Variants in NOVA1 observed in about 807,000 individuals in gnomAD.
NOVA1 encodes NOVA alternative splicing regulator 1.
In NOVA1, 7 loss-of-function variants were observed where a neutral mutation model predicts 38.0. The observed-to-expected ratio is 0.18, with a 90% CI of 0.10 to 0.35. The LOEUF (loss-of-function observed/expected upper bound fraction) is 0.35. Ranked by LOEUF, NOVA1 falls within the 10% of genes least tolerant of loss-of-function variation. The probability of loss-of-function intolerance (pLI) is 1.00; values close to 1 mark genes in which losing one functional copy is unlikely to be tolerated. For missense variants in NOVA1, 460 were observed against 616.0 expected (o/e 0.75, Z 2.68); for synonymous variants, 270 against 232.5 (o/e 1.16, Z -1.47).
chr14:26,568,766 A>G (rs1892290440), intron 2 of NOVA1, among the ~76,000 whole-genome samples: 1 of 152,180 alleles, frequency 6.6e-6, no homozygotes, highest in African/African-American at 2.4e-5. Context: ...CCAGGTGGGC[A>G]GCCTGATGAG....
At chr14:26,480,678 T>TA (rs1262174303) in intron 2 of NOVA1, among the ~76,000 whole-genome samples, 1 of 152,080 alleles carries the variant, frequency 6.6e-6, no homozygotes, top group Admixed American at 6.6e-5. Flanking sequence ...TTTTTTTTTT[T>TA]ACTTTTTCAC....
At chr14:26,595,344 CA>C (rs1566568600) in intron 2 of NOVA1, 65 bp downstream of exon 2, 1 of 1,503,100 alleles carries the variant, frequency 6.7e-7, no homozygotes. Flanking sequence ...AGACAGCACA[CA>C]ACACAAGTAG....
Position 26,549,512 on chromosome 14 carries a change from GTTAT to G in NOVA1, c.280+45894_280+45897del, listed in dbSNP as rs1676581467. 10 of 201,008 alleles carry G rather than the reference GTTAT, an allele frequency of 5.0e-5. No homozygotes were observed. In the South Asian group the frequency reaches 9.1e-4, roughly 18 times the overall value. The allele number at this position is 201,008 out of a possible 1,614,324, so 12.5% of individuals were successfully genotyped here. A position where few individuals can be genotyped will look rare whatever the true frequency, so the allele number is the denominator to read the frequency against. On this transcript the variant is annotated intron_variant, in intron 2 of 4. Coordinates refer to ENST00000539517, the MANE Select transcript of NOVA1 (RefSeq NM_002515.3). ...TAAAAAGGAGTGCATCCATCTATTT[GTTAT>G]TTAATTTTGTACCAATCAGAAGACC...
At chr14:26,545,860 A>G (rs970099022) in intron 2 of NOVA1, among the ~76,000 whole-genome samples, 1 of 152,164 alleles carries the variant, frequency 6.6e-6, no homozygotes, top group Non-Finnish European at 1.5e-5. Flanking sequence ...AGACATATAG[A>G]AATTTCAGAA....
In NOVA1 at chr14:26,532,973, A is replaced by G. The variant is rs1220248589; in HGVS notation, c.281-52830T>C. 2.0e-5 allele frequency among the ~76,000 whole-genome samples: 3 copies of G among 152,278 alleles called. No individual in the cohort carries two copies. The East Asian group carries it at 5.8e-4, about 29-fold the overall frequency. On this transcript the variant is annotated intron_variant, in intron 2 of 4. Transcript: ENST00000539517. ...CTATTTTTTCTCTCCTAGCTATTAG[A>G]TATATTGTCTATAATAGATAACTTT...
intron 4 of NOVA1, among the ~76,000 whole-genome samples, chr14:26,460,312 A>G: frequency 1.0e-5 from 1 of 97,268 alleles, no homozygotes; most frequent in Non-Finnish European, 2.3e-5. Context: ...TATAAACATT[A>G]ACATTTAAAA....
At chr14:26,458,096 C>A (rs1026611501) in intron 4 of NOVA1, among the ~76,000 whole-genome samples, 1 of 151,978 alleles carries the variant, frequency 6.6e-6, no homozygotes, top group African/African-American at 2.4e-5. Flanking sequence ...CATCACTAAT[C>A]GTTAGAGAAA....
intron 4 of NOVA1, 65 bp from the exon 5 acceptor site, chr14:26,449,028 G>A: frequency 7.2e-7 from 1 of 1,397,892 alleles, no homozygotes; most frequent in Non-Finnish European, 9.6e-7. Flanking sequence ...ATATTACTTT[G>A]CTATCCTAGA....
At position 26,447,741 on chromosome 14, in the gene NOVA1, A is replaced by G; in HGVS notation, c.*218T>C. 3 of 563,948 alleles carry G rather than the reference A, an allele frequency of 5.3e-6. No homozygotes were observed. The highest frequency in any genetic ancestry group is 9.4e-6 in the Non-Finnish European group (3 of 317,782). The allele number at this position is 563,948 out of a possible 1,614,324, so 34.9% of individuals were successfully genotyped here. On this transcript the variant is annotated 3_prime_UTR_variant, in exon 5 of 5. Transcript: ENST00000539517. ...ACACCTCTGACAAATATACACAAGC[A>G]AAGTATAGAGAACAAAACAGATCAA... is the stretch of plus-strand genomic sequence containing the variant.
intron 2 of NOVA1, among the ~76,000 whole-genome samples, chr14:26,586,966 T>TA (rs761325048): frequency 7.0e-6 from 1 of 142,304 alleles, no homozygotes. Flanking sequence ...AGAGAGGAGG[T>TA]AAGGACTTAC....
At chr14:26,536,426 G>A (rs1274629587) in intron 2 of NOVA1, among the ~76,000 whole-genome samples, 1 of 151,860 alleles carries the variant, frequency 6.6e-6, no homozygotes, top group Admixed American at 6.6e-5. Flanking sequence ...TGCTAATGAT[G>A]CGACTTTTTT....
chr14:26,515,900 G>T (rs992642232), intron 2 of NOVA1, among the ~76,000 whole-genome samples: 1 of 151,912 alleles, frequency 6.6e-6, no homozygotes, highest in Non-Finnish European at 1.5e-5. Flanking sequence ...ACATAAAAAA[G>T]TACAAAATCA....
chr14:26,491,816 G>C (rs1423696120), intron 2 of NOVA1, among the ~76,000 whole-genome samples: 1 of 152,090 alleles, frequency 6.6e-6, no homozygotes, highest in East Asian at 1.9e-4. Context: ...GACAGTACCA[G>C]ACTCTTTTGG....
At chr14:26,461,491 C>A (rs538878113) in intron 4 of NOVA1, among the ~76,000 whole-genome samples, 1 of 152,154 alleles carries the variant, frequency 6.6e-6, no homozygotes, top group South Asian at 2.1e-4. Flanking sequence ...GATCCGATTC[C>A]CGTCACTGGT....
intron 2 of NOVA1, among the ~76,000 whole-genome samples, chr14:26,534,880 G>A (rs1322936128): frequency 6.6e-6 from 1 of 152,142 alleles, no homozygotes. Flanking sequence ...AAAAGGGGCT[G>A]AGAGTCAAGG....
At chr14:26,581,778 C>A (rs1396792840) in intron 2 of NOVA1, among the ~76,000 whole-genome samples, 1 of 151,822 alleles carries the variant, frequency 6.6e-6, no homozygotes, top group Non-Finnish European at 1.5e-5. Flanking sequence ...TTTCTGAACT[C>A]AAATTTATAC....
chr14:26,597,507 C>CTTTT lies in NOVA1; in HGVS notation c.-75_-72dup, dbSNP rs563401938. 1.1e-3 allele frequency: 883 copies of CTTTT among 779,860 alleles called. No individual in the cohort carries two copies. The highest frequency in any genetic ancestry group is 1.6e-3 in the East Asian group (18 of 11,518). 48.3% of individuals were successfully genotyped at this position (779,860 alleles called of 1,614,324 possible). On this transcript the variant is annotated 5_prime_UTR_variant, in exon 1 of 5. Transcript: ENST00000539517. ...GTTTTGGCTTTTTCTTTTCTTTTTT[C>CTTTT]TTTTTTTTTTTTTTTTTTTTTTGCG...
intron 4 of NOVA1, among the ~76,000 whole-genome samples, chr14:26,458,485 A>T (rs1346595929): frequency 6.6e-6 from 1 of 152,178 alleles, no homozygotes; most frequent in Non-Finnish European, 1.5e-5. Flanking sequence ...ACACTATGGA[A>T]TACTATACAG....
At chr14:26,576,949 A>G (rs1294655781) in intron 2 of NOVA1, among the ~76,000 whole-genome samples, 1 of 151,808 alleles carries the variant, frequency 6.6e-6, no homozygotes, top group African/African-American at 2.4e-5. Context: ...TGTACATTAG[A>G]TCTCTAGACT....
Sources: allele counts gnomAD v4.1 joint callset (sites outside exome capture counted in the v4.1 genomes callset), GRCh38; gene constraint gnomAD v4.1.1; transcripts MANE v1.5; gene names NCBI Gene and HGNC (gene_info 2026-07-23, HGNC 2026-07-21).